Variants in PCDHA2 observed in about 807,000 individuals in gnomAD.
The protein encoded by PCDHA2 is protocadherin alpha 2, also known as protocadherin alpha-2.
Under a neutral mutation model 66.0 loss-of-function variants are expected in PCDHA2, and 58 were observed. That is an observed-to-expected ratio of 0.88 (90% confidence interval 0.71 to 1.09). PCDHA2 has a LOEUF of 1.09. PCDHA2 is among the 50% of genes least tolerant of loss of function. The pLI is 0.00. For missense variants in PCDHA2, 1,267 were observed against 1,242.3 expected (o/e 1.02, Z -0.30); for synonymous variants, 634 against 554.0 (o/e 1.14, Z -2.03).
At chr5:140,801,821 T>A (rs1562181721) in intron 1 of PCDHA2, 1 of 1,613,988 alleles carries the variant, frequency 6.2e-7, no homozygotes, top group Non-Finnish European at 8.5e-7. Context: ...CTCCTAAGCA[T>A]TATTTACTAA....
intron 1 of PCDHA2, among the ~76,000 whole-genome samples, chr5:140,902,016 T>C (rs541579348): frequency 1.3e-5 from 2 of 152,274 alleles, no homozygotes; most frequent in South Asian, 4.1e-4. Context: ...TTGGGACATA[T>C]AGAAATACTA....
In PCDHA2 at chr5:140,869,747, C is replaced by G. The variant is rs1554163400; in HGVS notation, c.2388+72395C>G. 1.2e-6 allele frequency: 2 copies of G among 1,613,158 alleles called. No individual in the cohort carries two copies. Reference sequence around the variant, plus strand: ...GAACTTAATTTGCTGCTAACAGCTACAGACGGGGGAAAACCAGAGCTTACT... The same window carrying G: ...GAACTTAATTTGCTGCTAACAGCTAGAGACGGGGGAAAACCAGAGCTTACT... On this transcript the variant is annotated intron_variant, in intron 1 of 3. Coordinates refer to ENST00000526136, the MANE Select transcript of PCDHA2 (RefSeq NM_018905.3).
intron 1 of PCDHA2, among the ~76,000 whole-genome samples, chr5:140,887,132 T>A (rs2061321769): frequency 6.6e-6 from 1 of 151,950 alleles, no homozygotes; most frequent in Non-Finnish European, 1.5e-5. Context: ...AGTCTCACTC[T>A]GTCGCCCAGG....
intron 1 of PCDHA2, chr5:140,870,593 G>A (rs991131905): frequency 6.2e-7 from 1 of 1,613,572 alleles, no homozygotes; most frequent in Non-Finnish European, 8.5e-7. Flanking sequence ...GTGGAGCGGC[G>A]GTTGGGCGAC....
In PCDHA2 at chr5:140,843,023, C is replaced by G. The variant is rs2150350362; in HGVS notation, c.2388+45671C>G. 1.3e-5 allele frequency: 21 copies of G among 1,595,146 alleles called. 2 individuals carry two copies. The highest frequency in any genetic ancestry group is 7.7e-5 in the South Asian group (7 of 90,508). On this transcript the variant is annotated intron_variant, in intron 1 of 3. Coordinates refer to ENST00000526136, the MANE Select transcript of PCDHA2 (RefSeq NM_018905.3). ...TGACAACGCGCCGGCACTGCTGGAG[C>G]CTCGGGTGGGTGGCACTGGTGGCGC...
chr5:140,940,510 G>T (rs1477590604), intron 1 of PCDHA2, among the ~76,000 whole-genome samples: 1 of 151,778 alleles, frequency 6.6e-6, no homozygotes, highest in Non-Finnish European at 1.5e-5. Context: ...TCGCTCAGGC[G>T]TGATCATAGC....
At chr5:140,798,238 C>A (rs1762306449) in intron 1 of PCDHA2, among the ~76,000 whole-genome samples, 1 of 152,092 alleles carries the variant, frequency 6.6e-6, no homozygotes, top group Non-Finnish European at 1.5e-5. Flanking sequence ...AAGTATGTAG[C>A]ACAGGTTGTT....
intron 1 of PCDHA2, chr5:140,848,530 A>G (rs2150412055): frequency 6.3e-7 from 1 of 1,594,630 alleles, no homozygotes; most frequent in Non-Finnish European, 8.6e-7. Context: ...CCAGAGGGTC[A>G]GCCTCTACTG....
At chr5:140,849,541 A>C in intron 1 of PCDHA2, 1 of 1,598,262 alleles carries the variant, frequency 6.3e-7, no homozygotes, top group Non-Finnish European at 8.6e-7. Flanking sequence ...AATGCTCCAC[A>C]GTTGACTATC....
chr5:140,801,403 A>G, intron 1 of PCDHA2: 2 of 1,613,708 alleles, frequency 1.2e-6, no homozygotes, highest in Non-Finnish European at 1.7e-6. Flanking sequence ...GTGGCGTCCA[A>G]AAGACACGGG....
intron 1 of PCDHA2, chr5:140,927,852 A>C: frequency 6.2e-7 from 1 of 1,614,218 alleles, no homozygotes; most frequent in Non-Finnish European, 8.5e-7. Flanking sequence ...TCTTTGGTTT[A>C]GCTAGCACCG....
rs1484271840 is a variant in PCDHA2 at position 140,900,260 on chromosome 5, A to G, written c.2389-78689A>G. Among the ~76,000 whole-genome samples the G allele has an allele frequency of 4.0e-5, 6 of 151,898 alleles. No homozygotes were observed. In the South Asian group the frequency reaches 1.0e-3, roughly 26 times the overall value. ...TTTTTTTATGGCTGAATAGTACTCC[A>G]TTGTGTATATGTACCACACTTTCTT... On this transcript the variant is annotated intron_variant, in intron 1 of 3. Coordinates refer to ENST00000526136, the MANE Select transcript of PCDHA2 (RefSeq NM_018905.3).
Position 140,876,879 on chromosome 5 carries a change from G to C in PCDHA2, c.2388+79527G>C, listed in dbSNP as rs782299548. On this transcript the variant is annotated intron_variant, in intron 1 of 3. Coordinates refer to ENST00000526136, the MANE Select transcript of PCDHA2 (RefSeq NM_018905.3). Reference sequence around the variant, plus strand: ...CAGTGTTCGTGAAGGAGAACAACCCGCCGGGCTGCCACATCTTCACGGTGT... The same window carrying C: ...CAGTGTTCGTGAAGGAGAACAACCCCCCGGGCTGCCACATCTTCACGGTGT... The C allele has an allele frequency of 1.6e-5, 26 of 1,614,032 alleles. 1 individual carries two copies. The highest frequency in any genetic ancestry group is 2.2e-5 in the Non-Finnish European group (26 of 1,180,008).
At chr5:140,908,142 A>G (rs1371459142) in intron 1 of PCDHA2, among the ~76,000 whole-genome samples, 1 of 152,158 alleles carries the variant, frequency 6.6e-6, no homozygotes, top group Non-Finnish European at 1.5e-5. Flanking sequence ...TCCTTCAGGT[A>G]TGTCCTAGGA....
chr5:140,872,373 T>C (rs1437548177), intron 1 of PCDHA2, among the ~76,000 whole-genome samples: 3 of 152,182 alleles, frequency 2.0e-5, no homozygotes, highest in African/African-American at 4.8e-5. Flanking sequence ...AGGCCTGTAA[T>C]CCCAGCTATT....
At chr5:140,926,906 G>T in intron 1 of PCDHA2, 1 of 1,559,584 alleles carries the variant, frequency 6.4e-7, no homozygotes, top group Non-Finnish European at 8.7e-7. Context: ...GTGGGCTGTG[G>T]GGTGGCAGTT....
Position 140,836,254 on chromosome 5 carries a change from T to C in PCDHA2, c.2388+38902T>C, listed in dbSNP as rs1644784516. ...GCCGGTGCGAGCATCCCGTTCCGCG[T>C]GGGGCTGTACACTGGTGAGATCAGC... On this transcript the variant is annotated intron_variant, in intron 1 of 3. Transcript: ENST00000526136. 7 of 1,613,670 alleles carry C rather than the reference T, an allele frequency of 4.3e-6. No individual in the cohort carries two copies. Among genetic ancestry groups the C allele is most frequent in the Non-Finnish European group, 5.1e-6 (6 of 1,179,780 alleles).
In PCDHA2 at chr5:140,842,931, C is replaced by T. The variant is rs1778399596; in HGVS notation, c.2388+45579C>T. Reference sequence around the variant, plus strand: ...GAGCTGCTGCAGTTCCAGGTGAGCGCGCGCGACGCGGGCGTGCCGCCTCTG... The same window carrying T: ...GAGCTGCTGCAGTTCCAGGTGAGCGTGCGCGACGCGGGCGTGCCGCCTCTG... On this transcript the variant is annotated intron_variant, in intron 1 of 3. Coordinates refer to ENST00000526136, the MANE Select transcript of PCDHA2 (RefSeq NM_018905.3). The T allele has an allele frequency of 1.9e-6, 3 of 1,594,502 alleles. 1 individual carries two copies. Among genetic ancestry groups the T allele is most frequent in the Non-Finnish European group, 2.6e-6 (3 of 1,165,448 alleles).
intron 3 of PCDHA2, among the ~76,000 whole-genome samples, chr5:140,994,021 G>A (rs1160447092): frequency 6.6e-6 from 1 of 152,140 alleles, no homozygotes; most frequent in Non-Finnish European, 1.5e-5. Context: ...AGGTGATGCA[G>A]ATATAATATT....
Sources: gnomAD v4.1 joint callset for allele counts (sites outside exome capture counted in the v4.1 genomes callset) on GRCh38, gnomAD v4.1.1 for gene constraint, MANE v1.5 for transcripts, NCBI Gene and HGNC (gene_info 2026-07-23, HGNC 2026-07-21) for gene names.